The following SLC9A9 variants were observed in gnomAD, a reference collection of about 807,000 sequenced individuals.
SLC9A9 encodes sodium/hydrogen exchanger 9.
A neutral mutation model predicts 77.8 loss-of-function variants in SLC9A9; 62 were observed. That is an observed-to-expected ratio of 0.80 (90% confidence interval 0.65 to 0.98). The LOEUF is 0.98. Among genes scored for constraint, SLC9A9 ranks in the 50% least tolerant of loss-of-function variants. The pLI, the probability that SLC9A9 is intolerant of heterozygous loss-of-function variation, is 0.00. For missense variants in SLC9A9, 775 were observed against 774.9 expected (o/e 1.00, Z 0.00); for synonymous variants, 320 against 283.5 (o/e 1.13, Z -1.29).
intron 11 of SLC9A9, among the ~76,000 whole-genome samples, chr3:143,468,221 A>G (rs552028586): frequency 5.9e-5 from 9 of 152,336 alleles, no homozygotes; most frequent in African/African-American, 2.2e-4. Context: ...GTATTTGCAT[A>G]TTTAGGTTTT....
intron 4 of SLC9A9, among the ~76,000 whole-genome samples, chr3:143,786,077 G>A (rs1326519647): frequency 6.6e-6 from 1 of 151,488 alleles, no homozygotes; most frequent in African/African-American, 2.4e-5. Flanking sequence ...GGATGGTCTC[G>A]ATCTCCTGAC....
At chr3:143,520,795 A>G (rs576088058) in intron 9 of SLC9A9, among the ~76,000 whole-genome samples, 1 of 152,296 alleles carries the variant, frequency 6.6e-6, no homozygotes, top group African/African-American at 2.4e-5. Flanking sequence ...TTCCTAATCT[A>G]GTAGTTGTGG....
rs142018387 is a variant in SLC9A9 at position 143,525,354 on chromosome 3, T to A, written c.1089+27008A>T. 1.4e-3 allele frequency among the ~76,000 whole-genome samples: 216 copies of A among 152,296 alleles called. 2 individuals carry two copies. The highest frequency in any genetic ancestry group is 5.0e-3 in the African/African-American group (207 of 41,562). On this transcript the variant is annotated intron_variant, in intron 9 of 15. Coordinates refer to ENST00000316549, the MANE Select transcript of SLC9A9 (RefSeq NM_173653.4). Reference sequence around the variant, plus strand: ...AATGATATCCCTGTGTGAGGTAGATTCTATCTGATCCATTTTGTAGATGAA... The same window carrying A: ...AATGATATCCCTGTGTGAGGTAGATACTATCTGATCCATTTTGTAGATGAA...
At chr3:143,526,124 A>T (rs535545894) in intron 9 of SLC9A9, among the ~76,000 whole-genome samples, 2 of 152,344 alleles carry the variant, frequency 1.3e-5, no homozygotes, top group East Asian at 3.9e-4. Flanking sequence ...GCTTTTGGCC[A>T]GTGGCTGTGA....
At chr3:143,394,898 G>A (rs928491907) in intron 12 of SLC9A9, among the ~76,000 whole-genome samples, 12 of 152,178 alleles carry the variant, frequency 7.9e-5, no homozygotes. Flanking sequence ...CAAGGGATGT[G>A]AAGGACCTCT....
intron 13 of SLC9A9, among the ~76,000 whole-genome samples, chr3:143,368,351 C>T (rs879420759): frequency 6.6e-5 from 10 of 152,032 alleles, no homozygotes; most frequent in Non-Finnish European, 1.2e-4. Flanking sequence ...AAACAGACAC[C>T]AAAGCAAGAA....
At position 143,577,941 on chromosome 3, in the gene SLC9A9, C is replaced by T. The variant is rs888423522; in HGVS notation, c.894+644G>A. On this transcript the variant is annotated intron_variant, in intron 7 of 15. Transcript: ENST00000316549. ...CTATCTGAATGTTCTAAGTGAGCAGCCCACCAGACCAGCTTCTTTCTTTGG... is the reference window on the plus strand; with the variant it reads ...CTATCTGAATGTTCTAAGTGAGCAGTCCACCAGACCAGCTTCTTTCTTTGG... Among the ~76,000 whole-genome samples, 21 of 152,330 alleles carry T rather than the reference C, an allele frequency of 1.4e-4. No individual in the cohort carries two copies. In the East Asian group the frequency reaches 3.3e-3, roughly 24 times the overall value.
intron 11 of SLC9A9, among the ~76,000 whole-genome samples, chr3:143,476,179 C>T (rs1383585798): frequency 3.3e-5 from 5 of 152,102 alleles, no homozygotes; most frequent in African/African-American, 4.8e-5. Context: ...AATCTTGCTA[C>T]GTGGTTCCAT....
chr3:143,674,388 G>A (rs1021465284), intron 5 of SLC9A9, among the ~76,000 whole-genome samples: 1 of 152,066 alleles, frequency 6.6e-6, no homozygotes, highest in Non-Finnish European at 1.5e-5. Context: ...TTAGTGGAAG[G>A]CTCCTCTTGG....
At chr3:143,491,456 C>T (rs1183950546) in intron 11 of SLC9A9, among the ~76,000 whole-genome samples, 1 of 151,970 alleles carries the variant, frequency 6.6e-6, no homozygotes, top group Non-Finnish European at 1.5e-5. Flanking sequence ...GGGATGAGTT[C>T]CAACTTAATA....
chr3:143,461,338 G>T (rs1200742140), intron 12 of SLC9A9, among the ~76,000 whole-genome samples: 2 of 152,118 alleles, frequency 1.3e-5, no homozygotes, highest in Non-Finnish European at 2.9e-5. Flanking sequence ...ACCTTCCAGA[G>T]ACTATTTCTA....
chr3:143,282,565 G>C (rs1281603594), intron 14 of SLC9A9, among the ~76,000 whole-genome samples: 4 of 152,152 alleles, frequency 2.6e-5, no homozygotes, highest in Non-Finnish European at 4.4e-5. Flanking sequence ...CAATGAAATA[G>C]AAGTTCTTGA....
At chr3:143,595,409 ACTT>A (rs1407895542) in intron 6 of SLC9A9, among the ~76,000 whole-genome samples, 1 of 152,222 alleles carries the variant, frequency 6.6e-6, no homozygotes, top group Non-Finnish European at 1.5e-5. Context: ...AAATGCTTTG[ACTT>A]CTTATGAAGA....
chr3:143,280,844 C>T (rs188435722), intron 14 of SLC9A9, among the ~76,000 whole-genome samples: 12 of 152,272 alleles, frequency 7.9e-5, no homozygotes, highest in African/African-American at 1.9e-4. Flanking sequence ...TGAGCTACCG[C>T]GCCTAGCCAG....
In SLC9A9 at chr3:143,593,822, A is replaced by C. The variant is rs574702909; in HGVS notation, c.756-15099T>G. On this transcript the variant is annotated intron_variant, in intron 6 of 15. Coordinates refer to ENST00000316549, the MANE Select transcript of SLC9A9 (RefSeq NM_173653.4). ...ATTATAGCACCTTGACTTCATGTGAAATGTGATGGTGAAGACCCAGGCAAC... is the reference window on the plus strand; with the variant it reads ...ATTATAGCACCTTGACTTCATGTGACATGTGATGGTGAAGACCCAGGCAAC... Among the ~76,000 whole-genome samples the C allele has an allele frequency of 2.6e-5, 4 of 152,320 alleles. No homozygotes were observed. In the East Asian group the frequency reaches 7.7e-4, roughly 29 times the overall value.
intron 5 of SLC9A9, among the ~76,000 whole-genome samples, chr3:143,692,454 A>G (rs915245841): frequency 4.6e-5 from 7 of 152,178 alleles, no homozygotes; most frequent in African/African-American, 1.7e-4. Flanking sequence ...TTGCTTTAAC[A>G]TAATCCAGTC....
At chr3:143,680,862 C>A (rs977539685) in intron 5 of SLC9A9, among the ~76,000 whole-genome samples, 1 of 152,150 alleles carries the variant, frequency 6.6e-6, no homozygotes, top group African/African-American at 2.4e-5. Context: ...ACGTGAACTA[C>A]ATCAATAAGT....
At chr3:143,442,814 C>T (rs530549267) in intron 12 of SLC9A9, among the ~76,000 whole-genome samples, 9 of 152,244 alleles carry the variant, frequency 5.9e-5, no homozygotes, top group Admixed American at 2.0e-4. Context: ...TTAGTAGAGA[C>T]GAACAAAGGC....
intron 6 of SLC9A9, among the ~76,000 whole-genome samples, chr3:143,632,031 C>T (rs573150312): frequency 4.9e-4 from 75 of 152,178 alleles, no homozygotes; most frequent in Admixed American, 2.7e-3. Context: ...CAGATCTAAG[C>T]AGAGCAACCT....
Sources: allele counts gnomAD v4.1 joint callset (sites outside exome capture counted in the v4.1 genomes callset), GRCh38; gene constraint gnomAD v4.1.1; transcripts MANE v1.5; gene names NCBI Gene and HGNC (gene_info 2026-07-23, HGNC 2026-07-21).